The following JPH1 variants were observed in gnomAD, a reference collection of about 807,000 sequenced individuals.
JPH1 encodes the protein junctophilin-1.
Under a neutral mutation model 53.6 loss-of-function variants are expected in JPH1, and 12 were observed. The observed-to-expected ratio is 0.22, with a 90% CI of 0.14 to 0.36. JPH1 has a LOEUF of 0.36. JPH1 is among the 10% of genes least tolerant of loss of function. JPH1 has a pLI of 1.00. For missense variants in JPH1, 808 were observed against 905.5 expected (o/e 0.89, Z 1.38); for synonymous variants, 375 against 363.8 (o/e 1.03, Z -0.35).
chr8:74,318,933 C>T (rs1808237659), intron 1 of JPH1, among the ~76,000 whole-genome samples: 1 of 151,974 alleles, frequency 6.6e-6, no homozygotes, highest in Non-Finnish European at 1.5e-5. Context: ...AATCTATTAG[C>T]ATAGAGTAGA....
At chr8:74,303,996 A>C (rs1052928609) in intron 2 of JPH1, among the ~76,000 whole-genome samples, 1 of 152,122 alleles carries the variant, frequency 6.6e-6, no homozygotes, top group Non-Finnish European at 1.5e-5. Context: ...CAGACCCCAA[A>C]TACACATGGT....
At chr8:74,288,839 T>C (rs1338107098) in intron 2 of JPH1, among the ~76,000 whole-genome samples, 1 of 152,248 alleles carries the variant, frequency 6.6e-6, no homozygotes, top group Non-Finnish European at 1.5e-5. Flanking sequence ...CACAGACTTA[T>C]GTAACTGTAA....
intron 2 of JPH1, among the ~76,000 whole-genome samples, chr8:74,279,758 C>G (rs372845435): frequency 3.7e-4 from 56 of 152,314 alleles, no homozygotes; most frequent in African/African-American, 1.3e-3. Context: ...CCCATCTTCA[C>G]CCCTTGGCTT....
At chr8:74,265,447 T>C (rs1392456955) in intron 2 of JPH1, among the ~76,000 whole-genome samples, 1 of 152,212 alleles carries the variant, frequency 6.6e-6, no homozygotes, top group African/African-American at 2.4e-5. Context: ...AATCCTTGAT[T>C]GGAATATGCC....
At chr8:74,276,740 G>C (rs1308992389) in intron 2 of JPH1, among the ~76,000 whole-genome samples, 1 of 152,200 alleles carries the variant, frequency 6.6e-6, no homozygotes, top group Non-Finnish European at 1.5e-5. Context: ...TAGTCGAGCT[G>C]TAGATTTTTC....
intron 2 of JPH1, among the ~76,000 whole-genome samples, chr8:74,295,870 T>C (rs754954457): frequency 2.0e-5 from 3 of 152,138 alleles, no homozygotes; most frequent in Non-Finnish European, 2.9e-5. Flanking sequence ...CTGCAACTCA[T>C]TGGTTTTAGC....
rs748911255 is a variant in JPH1, at chr8:74,259,461, G to A, written c.1182C>T (p.Ala394=). 38 of 1,612,924 alleles carry A rather than the reference G, an allele frequency of 2.4e-5. No individual in the cohort carries two copies. The highest frequency in any genetic ancestry group is 2.7e-5 in the Non-Finnish European group (32 of 1,179,372). ...ARAKADAADQ[A]ALAARQECDI... ...CGCACTCCTGGCGAGCGGCCAGCGCGGCCTGGTCGGCGGCATCGGCCTTCG... is the reference window on the plus strand; with the variant it reads ...CGCACTCCTGGCGAGCGGCCAGCGCAGCCTGGTCGGCGGCATCGGCCTTCG... The change falls in exon 3 of 6, where the codon GCC becomes GCT. Residue 394 remains alanine, a synonymous_variant. Transcript: ENST00000342232.
At chr8:74,285,850 T>C (rs1027590088) in intron 2 of JPH1, among the ~76,000 whole-genome samples, 1 of 152,234 alleles carries the variant, frequency 6.6e-6, no homozygotes, top group Non-Finnish European at 1.5e-5. Flanking sequence ...AACATATTTC[T>C]ATATATGTAA....
chr8:74,242,163 A>G (rs922392227), intron 4 of JPH1, among the ~76,000 whole-genome samples: 1 of 152,116 alleles, frequency 6.6e-6, no homozygotes, highest in African/African-American at 2.4e-5. Context: ...CCATCCCAGG[A>G]GATTTTCTGT....
intron 2 of JPH1, among the ~76,000 whole-genome samples, chr8:74,310,801 T>C (rs1435163005): frequency 2.6e-5 from 4 of 152,138 alleles, no homozygotes; most frequent in Non-Finnish European, 5.9e-5. Flanking sequence ...CAAGATAAAA[T>C]AGGATGATGG....
Position 74,314,717 on chromosome 8 carries a change from C to G in JPH1, c.1139+144G>C, listed in dbSNP as rs939138864. The G allele has an allele frequency of 1.8e-5, 18 of 975,974 alleles. No homozygotes were observed. In the African/African-American group the frequency reaches 3.0e-4, roughly 16 times the overall value. 60.5% of individuals were successfully genotyped at this position (975,974 alleles called of 1,614,324 possible). A position where few individuals can be genotyped will look rare whatever the true frequency, so the allele number is the denominator to read the frequency against. On this transcript the variant is annotated intron_variant, in intron 2 of 5. Coordinates refer to ENST00000342232, the MANE Select transcript of JPH1 (RefSeq NM_020647.4). ...AGGTACATTTCTGACTTTGATTCTA[C>G]TGAGTGTAATCATTTTTCACCTTTG...
chr8:74,306,860 G>C (rs532178319), intron 2 of JPH1, among the ~76,000 whole-genome samples: 3 of 152,222 alleles, frequency 2.0e-5, no homozygotes, highest in African/African-American at 7.2e-5. Context: ...GCCTCCCAAA[G>C]TGCTGGGATT....
intron 2 of JPH1, among the ~76,000 whole-genome samples, chr8:74,305,742 A>G (rs550156168): frequency 6.6e-6 from 1 of 152,298 alleles, no homozygotes; most frequent in African/African-American, 2.4e-5. Context: ...CATACCCTAT[A>G]CAGTCTCTTC....
chr8:74,300,409 G>C (rs1332989924), intron 2 of JPH1, among the ~76,000 whole-genome samples: 3 of 152,106 alleles, frequency 2.0e-5, no homozygotes, highest in Admixed American at 1.3e-4. Flanking sequence ...TGTGCGTTGT[G>C]GGGGGCGGAG....
chr8:74,313,756 G>A (rs929006422), intron 2 of JPH1, among the ~76,000 whole-genome samples: 2 of 152,142 alleles, frequency 1.3e-5, no homozygotes, highest in Non-Finnish European at 2.9e-5. Context: ...TTCTGTGGAA[G>A]AGTGTTATTG....
chr8:74,269,197 T>C (rs1806627041), intron 2 of JPH1, among the ~76,000 whole-genome samples: 1 of 152,230 alleles, frequency 6.6e-6, no homozygotes, highest in Admixed American at 6.5e-5. Context: ...GATCTGTTCC[T>C]CTATCAGGCT....
At chr8:74,282,622 G>A (rs1807045104) in intron 2 of JPH1, among the ~76,000 whole-genome samples, 6 of 152,172 alleles carry the variant, frequency 3.9e-5, no homozygotes, top group Admixed American at 3.9e-4. Flanking sequence ...TCTCATAGAA[G>A]TAGAGAGTAA....
chr8:74,258,395 G>A (rs1046139648), intron 3 of JPH1, among the ~76,000 whole-genome samples: 2 of 152,046 alleles, frequency 1.3e-5, no homozygotes, highest in Non-Finnish European at 2.9e-5. Context: ...TTATAGAGAG[G>A]GGTAGAAAGA....
rs748078221 is a variant in JPH1 at position 74,315,073 on chromosome 8, T to G, written c.927A>C (p.Ala309=). 1 of 1,614,244 alleles carries G rather than the reference T, an allele frequency of 6.2e-7. No individual in the cohort carries two copies. The change falls in exon 2 of 6, where the codon GCA becomes GCC. Residue 309 remains alanine (A), a synonymous_variant. Coordinates refer to ENST00000342232, the MANE Select transcript of JPH1 (RefSeq NM_020647.4). This position sits in a 1 kb window ranked among gnomAD's most constrained non-coding sequence, Gnocchi z 6.3. ...AGCCATATCCATGCCTCTTGTTATTTGCCCACTCCCCTTCATACTTCATGC... is the reference window on the plus strand; with the variant it reads ...AGCCATATCCATGCCTCTTGTTATTGGCCCACTCCCCTTCATACTTCATGC... The part of the protein sequence containing the change: ...SNGMKYEGEW[A]NNKRHGYGCT...
Sources: allele counts gnomAD v4.1 joint callset (sites outside exome capture counted in the v4.1 genomes callset), GRCh38; gene constraint gnomAD v4.1.1; non-coding constraint Gnocchi (gnomAD v3.1); transcripts MANE v1.5; gene names NCBI Gene and HGNC (gene_info 2026-07-23, HGNC 2026-07-21).